The following CNTN4 variants were observed in gnomAD, a reference collection of about 807,000 sequenced individuals.
CNTN4 encodes contactin-4.
CNTN4 carries 77 observed loss-of-function variants against 122.5 expected under a neutral mutation model. The ratio of observed to expected loss-of-function variants is 0.63; its 90% CI spans 0.52 to 0.76. The LOEUF is 0.76. Ranked by LOEUF, CNTN4 falls within the 30% of genes least tolerant of loss-of-function variation. The pLI, the probability that CNTN4 is intolerant of heterozygous loss-of-function variation, is 0.00. For synonymous variants in CNTN4, 512 were observed against 447.0 expected (o/e 1.15, Z -1.83); for missense variants, 1,256 against 1,259.1 (o/e 1.00, Z 0.04).
At chr3:2,343,049 C>T (rs1476499091) in intron 3 of CNTN4, among the ~76,000 whole-genome samples, 1 of 152,170 alleles carries the variant, frequency 6.6e-6, no homozygotes, top group Non-Finnish European at 1.5e-5. Context: ...CTAAATTGTG[C>T]AGTGAGTGGT....
At chr3:2,971,350 GTCTA>G (rs71058657) in intron 13 of CNTN4, among the ~76,000 whole-genome samples, 82 of 150,480 alleles carry the variant, frequency 5.4e-4, no homozygotes, top group Middle Eastern at 3.4e-3. Context: ...CTGTCTGTCT[GTCTA>G]TCTATCTATC....
At chr3:2,761,466 GTGTGTGTA>G (rs1204197852) in intron 6 of CNTN4, among the ~76,000 whole-genome samples, 2 of 146,102 alleles carry the variant, frequency 1.4e-5, no homozygotes, top group Non-Finnish European at 3.1e-5. Context: ...GTGTGTGTGT[GTGTGTGTA>G]TTTGAACAGG....
At chr3:3,001,639 T>A (rs950531134) in intron 14 of CNTN4, among the ~76,000 whole-genome samples, 2 of 152,176 alleles carry the variant, frequency 1.3e-5, no homozygotes, top group Non-Finnish European at 2.9e-5. Context: ...CTAAATCACA[T>A]GCTTAGGATA....
At chr3:2,552,954 T>C (rs1430077678) in intron 3 of CNTN4, among the ~76,000 whole-genome samples, 2 of 152,132 alleles carry the variant, frequency 1.3e-5, no homozygotes, top group Non-Finnish European at 2.9e-5. Flanking sequence ...TCTCTGTCAC[T>C]CACTCACTGT....
At chr3:2,345,373 A>C (rs1256540545) in intron 3 of CNTN4, among the ~76,000 whole-genome samples, 2 of 152,188 alleles carry the variant, frequency 1.3e-5, no homozygotes, top group Admixed American at 6.5e-5. Flanking sequence ...TATTCTGTGA[A>C]GTATTTTATA....
At chr3:2,620,884 T>C (rs2081964299) in intron 4 of CNTN4, among the ~76,000 whole-genome samples, 1 of 152,132 alleles carries the variant, frequency 6.6e-6, no homozygotes, top group Admixed American at 6.6e-5. Flanking sequence ...TCCTTTCGGA[T>C]CCTCTTCTGG....
At chr3:2,127,145 CTTCCCACCTTTGT>C (rs1206230933) in intron 2 of CNTN4, among the ~76,000 whole-genome samples, 5 of 152,190 alleles carry the variant, frequency 3.3e-5, no homozygotes, top group Non-Finnish European at 7.3e-5. Context: ...AAGTTACCAT[CTTCCCACCTTTGT>C]GGGCAGTGCC....
At chr3:2,460,900 C>T (rs1003613989) in intron 3 of CNTN4, among the ~76,000 whole-genome samples, 1 of 151,776 alleles carries the variant, frequency 6.6e-6, no homozygotes, top group Non-Finnish European at 1.5e-5. Context: ...AGTGAGAGTT[C>T]TCATGTAGCT....
intron 3 of CNTN4, among the ~76,000 whole-genome samples, chr3:2,548,699 C>G (rs2078351282): frequency 6.6e-6 from 1 of 151,926 alleles, no homozygotes; most frequent in Non-Finnish European, 1.5e-5. Flanking sequence ...GTAGTTTTTT[C>G]TAATTTTGTG....
Position 2,900,764 on chromosome 3 carries a change from T to G in CNTN4, c.1020T>G (p.Asn340Lys). The G allele has an allele frequency of 6.2e-7, 1 of 1,613,930 alleles. No individual in the cohort carries two copies. Among genetic ancestry groups the G allele is most frequent in the Non-Finnish European group, 8.5e-7 (1 of 1,179,830 alleles). The stretch of plus-strand genomic sequence containing the variant: ...ATGTCTTTTGGGAATGTAAAGCAAA[T>G]GGAAGGCCTAAGCCTACATACAAGT... ...EENVFWECKA[N>K]GRPKPTYKWL... Residue 340 changes from asparagine to lysine, a missense_variant, in exon 11 of 25, where the codon AAT becomes AAG. Coordinates refer to ENST00000418658, the MANE Select transcript of CNTN4 (RefSeq NM_175607.3).
intron 12 of CNTN4, among the ~76,000 whole-genome samples, chr3:2,906,603 C>T (rs994371323): frequency 2.0e-5 from 3 of 151,854 alleles, no homozygotes; most frequent in African/African-American, 4.8e-5. Flanking sequence ...TTTGGGAGGC[C>T]GAGGCAGGCG....
At position 2,878,272 on chromosome 3, in the gene CNTN4, A is replaced by G. The variant is rs534316895; in HGVS notation, c.653-4873A>G. On this transcript the variant is annotated intron_variant, in intron 8 of 24. Transcript: ENST00000418658. ...AACAACATATACAGATCATTTTAGT[A>G]AAGAATGATCTTAAGTGAGTGAACT... Among the ~76,000 whole-genome samples the G allele has an allele frequency of 2.6e-5, 4 of 152,344 alleles. No individual in the cohort carries two copies. In the South Asian group the frequency reaches 6.2e-4, roughly 24 times the overall value.
intron 3 of CNTN4, among the ~76,000 whole-genome samples, chr3:2,455,173 T>A (rs2048954175): frequency 6.6e-6 from 1 of 152,122 alleles, no homozygotes; most frequent in African/African-American, 2.4e-5. Context: ...AGGGCTGCCA[T>A]TGAACACAGC....
chr3:2,593,662 C>T (rs897809051), intron 4 of CNTN4, among the ~76,000 whole-genome samples: 3 of 152,104 alleles, frequency 2.0e-5, no homozygotes, highest in Admixed American at 1.3e-4. Flanking sequence ...ACAGCTTATA[C>T]CTAAACATGT....
At chr3:2,670,786 C>T (rs1233471727) in intron 4 of CNTN4, among the ~76,000 whole-genome samples, 2 of 152,148 alleles carry the variant, frequency 1.3e-5, no homozygotes, top group African/African-American at 2.4e-5. Context: ...TAGGACAGGC[C>T]TGGTGGTGAC....
chr3:2,954,743 C>T (rs1382490325), intron 13 of CNTN4, among the ~76,000 whole-genome samples: 1 of 152,038 alleles, frequency 6.6e-6, no homozygotes, highest in Non-Finnish European at 1.5e-5. Flanking sequence ...GACCTAGTAA[C>T]AGGTTACCAC....
intron 12 of CNTN4, among the ~76,000 whole-genome samples, chr3:2,912,782 A>G (rs2094314901): frequency 6.6e-6 from 1 of 152,248 alleles, no homozygotes; most frequent in Non-Finnish European, 1.5e-5. Flanking sequence ...TACAGTGGTA[A>G]CCACAAAGAT....
chr3:2,612,460 A>C (rs1056271958), intron 4 of CNTN4, among the ~76,000 whole-genome samples: 7 of 152,008 alleles, frequency 4.6e-5, no homozygotes, highest in Non-Finnish European at 1.0e-4. Context: ...GTTTTGGGGG[A>C]CCGTGTGTAT....
At chr3:2,883,324 G>A in intron 9 of CNTN4, 77 bp downstream of exon 9, 5 of 1,057,434 alleles carry the variant, frequency 4.7e-6, no homozygotes, top group East Asian at 2.6e-5. Flanking sequence ...ACTGTTCACA[G>A]CGATGGTTTC....
Sources: gnomAD v4.1 joint callset for allele counts (sites outside exome capture counted in the v4.1 genomes callset) on GRCh38, gnomAD v4.1.1 for gene constraint, MANE v1.5 for transcripts, NCBI Gene and HGNC (gene_info 2026-07-23, HGNC 2026-07-21) for gene names.